The following GCA variants were observed in gnomAD, a reference collection of about 807,000 sequenced individuals.
GCA encodes grancalcin, also known as grancalcin, EF-hand calcium-binding protein.
In GCA, 30 loss-of-function variants were observed where a neutral mutation model predicts 32.6. The ratio of observed to expected loss-of-function variants is 0.92; its 90% CI spans 0.69 to 1.25. The LOEUF is 1.25. Ranked by LOEUF, GCA falls within the 50% of genes most tolerant of loss-of-function variation. The probability of loss-of-function intolerance (pLI) is 0.00; values close to 1 mark genes in which losing one functional copy is unlikely to be tolerated. For synonymous variants in GCA, 102 were observed against 84.6 expected, an observed-to-expected ratio of 1.21 and a Z score of -1.13; for missense variants, 291 against 266.8, an observed-to-expected ratio of 1.09 and a Z score of -0.63.
intron 1 of GCA, chr2:162,344,606 T>C (rs552423536): frequency 1.3e-4 from 56 of 421,890 alleles, no homozygotes; most frequent in African/African-American, 1.0e-3. Context: ...GGTACTTCCC[T>C]CCCCCGCCCC....
chr2:162,362,635 G>A lies in GCA; in HGVS notation c.*2392G>A. ...TTAATAAACATTCAAATAGCTTGCT[G>A]TAAAGTTTTGTATCATACAAAATCT... On this transcript the variant is annotated 3_prime_UTR_variant, in exon 8 of 8. Coordinates refer to ENST00000437150, the MANE Select transcript of GCA (RefSeq NM_012198.5). 1.2e-6 allele frequency: 1 copy of A among 837,706 alleles called. No individual in the cohort carries two copies. Among genetic ancestry groups the A allele is most frequent in the Non-Finnish European group, 1.4e-6 (1 of 695,664 alleles). The allele number at this position is 837,706 out of a possible 1,614,324, so 51.9% of individuals were successfully genotyped here. A position where few individuals can be genotyped will look rare whatever the true frequency, so the allele number is the denominator to read the frequency against.
intron 1 of GCA, among the ~76,000 whole-genome samples, chr2:162,346,876 A>G (rs1478336530): frequency 5.9e-5 from 9 of 152,200 alleles, no homozygotes; most frequent in Non-Finnish European, 1.2e-4. Flanking sequence ...AGTTAAAACT[A>G]GATCACATAA....
intron 3 of GCA, among the ~76,000 whole-genome samples, chr2:162,355,726 AT>A (rs1376552082): frequency 6.6e-6 from 1 of 151,106 alleles, no homozygotes; most frequent in South Asian, 2.1e-4. Flanking sequence ...GCTTGTATTG[AT>A]TTTTTCTTCC....
intron 1 of GCA, among the ~76,000 whole-genome samples, chr2:162,324,605 A>G (rs578150590): frequency 6.6e-6 from 1 of 152,188 alleles, no homozygotes; most frequent in East Asian, 1.9e-4. Context: ...GGATGGGGGC[A>G]TGGCAGGCTA....
intron 5 of GCA, among the ~76,000 whole-genome samples, chr2:162,358,748 A>G (rs554529709): frequency 7.9e-5 from 12 of 151,558 alleles, no homozygotes; most frequent in Admixed American, 7.9e-4. Flanking sequence ...ATTAAAACCC[A>G]TGAAATTAGA....
chr2:162,340,615 C>T (rs774632499), upstream of GCA, among the ~76,000 whole-genome samples: 1 of 152,102 alleles, frequency 6.6e-6, no homozygotes, highest in African/African-American at 2.4e-5. Flanking sequence ...TCGGTGGCTC[C>T]GTATCACAAC....
intron 1 of GCA, chr2:162,319,388 C>G (rs1158264547): frequency 3.1e-6 from 1 of 321,788 alleles, no homozygotes; most frequent in Non-Finnish European, 6.3e-6. Context: ...TTTCCTAGAT[C>G]CCAGCTTGTA....
chr2:162,338,756 C>A (rs1684351756), intron 1 of GCA, among the ~76,000 whole-genome samples: 1 of 152,146 alleles, frequency 6.6e-6, no homozygotes, highest in African/African-American at 2.4e-5. Flanking sequence ...GGATTTTAAT[C>A]ATACTGTTGC....
At chr2:162,366,992 T>C (rs74490346), downstream of GCA, among the ~76,000 whole-genome samples, 777 of 152,070 alleles carry the variant, frequency 5.1e-3, 5 homozygotes, top group Non-Finnish European at 6.5e-3. Flanking sequence ...CCACTATCTT[T>C]ATGATGATGC....
At chr2:162,374,170 A>T (rs1169485881), downstream of GCA, among the ~76,000 whole-genome samples, 2 of 152,182 alleles carry the variant, frequency 1.3e-5, no homozygotes, top group African/African-American at 4.8e-5. Context: ...ATTGTATATT[A>T]TTCATTGTAT....
In GCA at chr2:162,362,541, TAC is replaced by T; in HGVS notation, c.*2301_*2302del. On this transcript the variant is annotated 3_prime_UTR_variant, in exon 8 of 8. Transcript: ENST00000437150. ...CGATGATGTAAATTATTGAATAATGTACACTCTTAATGTATAAGTGCTTTTAT... is the reference window on the plus strand; with the variant it reads ...CGATGATGTAAATTATTGAATAATGTACTCTTAATGTATAAGTGCTTTTAT... 1.0e-6 allele frequency: 1 copy of T among 964,006 alleles called. No individual in the cohort carries two copies. The highest frequency in any genetic ancestry group is 1.2e-6 in the Non-Finnish European group (1 of 810,566). 59.7% of individuals were successfully genotyped at this position (964,006 alleles called of 1,614,324 possible).
At chr2:162,341,718 A>G (rs552140015), upstream of GCA, among the ~76,000 whole-genome samples, 5 of 152,296 alleles carry the variant, frequency 3.3e-5, no homozygotes, top group South Asian at 1.0e-3. Context: ...CAATTTTATT[A>G]TATTCTGAAA....
intron 4 of GCA, among the ~76,000 whole-genome samples, chr2:162,371,066 A>G (rs528446691): frequency 6.6e-6 from 1 of 152,266 alleles, no homozygotes; most frequent in East Asian, 1.9e-4. Flanking sequence ...AGCAGTACTT[A>G]AGGAGACCAC....
rs59405421 is a variant in GCA at position 162,321,919 on chromosome 2, TATATATATATATATAC to T, written c.-31+2696_-31+2711del. On this transcript the variant is annotated intron_variant, in intron 1 of 4. Coordinates refer to the GCA transcript ENST00000429691. Reference sequence around the variant, plus strand: ...ATATATATATATATATATATATATATATATATATATATATACACACATACATATAAACACTATATAA... The same window carrying T: ...ATATATATATATATATATATATATATACACATACATATAAACACTATATAA... 8.1e-3 allele frequency among the ~76,000 whole-genome samples: 911 copies of T among 112,456 alleles called. 35 individuals carry two copies. Among genetic ancestry groups the T allele is most frequent in the African/African-American group, 0.037 (850 of 22,944 alleles). 73.8% of individuals were successfully genotyped at this position (112,456 alleles called of 152,430 possible).
intron 4 of GCA, among the ~76,000 whole-genome samples, chr2:162,369,553 A>G (rs1002796090): frequency 9.9e-5 from 15 of 152,190 alleles, no homozygotes; most frequent in African/African-American, 3.1e-4. Flanking sequence ...AAATATAAAC[A>G]AGTTTTATGT....
downstream of GCA, among the ~76,000 whole-genome samples, chr2:162,364,210 T>G (rs1052366408): frequency 6.6e-5 from 10 of 151,548 alleles, no homozygotes; most frequent in African/African-American, 2.4e-4. Flanking sequence ...GTTGACTGTA[T>G]TATTGAATCA....
At chr2:162,348,348 A>G (rs1394619922) in intron 2 of GCA, among the ~76,000 whole-genome samples, 1 of 152,192 alleles carries the variant, frequency 6.6e-6, no homozygotes, top group African/African-American at 2.4e-5. Context: ...GTTAAAACCT[A>G]AGTATGTCAA....
downstream of GCA, among the ~76,000 whole-genome samples, chr2:162,367,722 C>A (rs569943231): frequency 1.2e-4 from 19 of 152,120 alleles, no homozygotes; most frequent in African/African-American, 4.6e-4. Flanking sequence ...TGTGCAAAAT[C>A]TAAATCTTGG....
At chr2:162,368,206 TATC>T (rs1445140918) in intron 4 of GCA, among the ~76,000 whole-genome samples, 6 of 152,060 alleles carry the variant, frequency 3.9e-5, no homozygotes, top group African/African-American at 1.4e-4. Context: ...CACTGTCCTG[TATC>T]ATCCTGTCTT....
Sources: gnomAD v4.1 joint callset for allele counts (sites outside exome capture counted in the v4.1 genomes callset) on GRCh38, gnomAD v4.1.1 for gene constraint, MANE v1.5 for transcripts, NCBI Gene and HGNC (gene_info 2026-07-23, HGNC 2026-07-21) for gene names.